MAN1C1: variants seen among roughly 807,000 people sequenced by gnomAD.
The protein encoded by MAN1C1 is mannosyl-oligosaccharide 1,2-alpha-mannosidase IC.
In MAN1C1, 49 loss-of-function variants were observed where a neutral mutation model predicts 71.5. The ratio of observed to expected loss-of-function variants is 0.69; its 90% CI spans 0.54 to 0.87. The LOEUF (loss-of-function observed/expected upper bound fraction) is 0.87. Among genes scored for constraint, MAN1C1 ranks in the 40% least tolerant of loss-of-function variants. MAN1C1 has a pLI of 0.00. For synonymous variants in MAN1C1, 352 were observed against 343.7 expected, an observed-to-expected ratio of 1.02 and a Z score of -0.27; for missense variants, 743 against 835.0, an observed-to-expected ratio of 0.89 and a Z score of 1.36.
chr1:25,636,204 G>C (rs779886122), intron 1 of MAN1C1, among the ~76,000 whole-genome samples: 2 of 152,196 alleles, frequency 1.3e-5, no homozygotes, highest in Admixed American at 6.5e-5. Context: ...GTATTGTCTT[G>C]ATAAACATCT....
rs988224184 is a variant in MAN1C1 at position 25,758,322 on chromosome 1, C to G, written c.930-270C>G. ...ACTCTTGTACCAGGTCTCGAGCTCC[C>G]AAGTCTTACAGGGGTTGCTTGATGA... On this transcript the variant is annotated intron_variant, in intron 5 of 11. Coordinates refer to ENST00000374332, the MANE Select transcript of MAN1C1 (RefSeq NM_020379.4). Among the ~76,000 whole-genome samples, 19 of 152,300 alleles carry G rather than the reference C, an allele frequency of 1.2e-4. No homozygotes were observed. The South Asian group carries it at 1.4e-3, about 12-fold the overall frequency.
chr1:25,683,449 C>T (rs974560362), intron 1 of MAN1C1, among the ~76,000 whole-genome samples: 2 of 152,192 alleles, frequency 1.3e-5, no homozygotes, highest in African/African-American at 4.8e-5. Context: ...CTTCTTTGTG[C>T]CAGTCCTTGG....
chr1:25,757,510 G>T (rs1333696938), intron 5 of MAN1C1, among the ~76,000 whole-genome samples: 3 of 133,032 alleles, frequency 2.3e-5, no homozygotes, highest in Non-Finnish European at 3.3e-5. Context: ...CGGGGGGGGG[G>T]GGCAGCTTGC....
chr1:25,647,783 G>A (rs953076122), intron 1 of MAN1C1, among the ~76,000 whole-genome samples: 1 of 152,200 alleles, frequency 6.6e-6, no homozygotes, highest in Admixed American at 6.5e-5. Context: ...GGGATGAGGG[G>A]TACAGACAGA....
In MAN1C1 at chr1:25,779,283, C is replaced by T. The variant is rs1465585475; in HGVS notation, c.1477+959C>T. Among the ~76,000 whole-genome samples the T allele has an allele frequency of 1.3e-5, 2 of 151,650 alleles. No homozygotes were observed. The highest frequency in any genetic ancestry group is 2.0e-4 in the East Asian group (1 of 5,102). On this transcript the variant is annotated intron_variant, in intron 9 of 11. Transcript: ENST00000374332. The surrounding 1 kb of genome is among the most constrained non-coding windows in gnomAD (Gnocchi z 4.6). ...GGCAGCCTCTGTTTTCTTATCTGTT[C>T]GATGGGAATCATGACACAGGTCTCA...
intron 2 of MAN1C1, among the ~76,000 whole-genome samples, chr1:25,695,315 C>T (rs937707844): frequency 6.6e-6 from 1 of 152,102 alleles, no homozygotes; most frequent in Non-Finnish European, 1.5e-5. Flanking sequence ...GCTTTGAGAG[C>T]CCTGAAAGCG....
At chr1:25,760,535 A>G (rs537286063) in intron 6 of MAN1C1, 1 of 152,330 alleles carries the variant, frequency 6.6e-6, no homozygotes, top group East Asian at 1.9e-4. Flanking sequence ...CGCACCCTCC[A>G]GGGGAGCTAA....
chr1:25,697,741 C>T (rs755137993), intron 2 of MAN1C1, among the ~76,000 whole-genome samples: 1 of 151,312 alleles, frequency 6.6e-6, no homozygotes, highest in East Asian at 2.0e-4. Context: ...TGTTGGAATA[C>T]ACCTAGGATT....
Position 25,782,635 on chromosome 1 carries a change from C to A in MAN1C1, c.1701C>A (p.Asp567Glu). ...AAGCCGGTTTCTCTGGGATCCAAGA[C>A]GTGTACAGTAGCACCCCCAACCACG... is the stretch of plus-strand genomic sequence containing the variant. The part of the protein sequence containing the change: ...RTEAGFSGIQ[D>E]VYSSTPNHDN... The change falls in exon 11 of 12, where the codon GAC becomes GAA. Residue 567 changes from aspartate to glutamate, a missense_variant. Transcript: ENST00000374332. The surrounding 1 kb of genome is among the most constrained non-coding windows in gnomAD (Gnocchi z 4.4). 2 of 1,614,062 alleles carry A rather than the reference C, an allele frequency of 1.2e-6. No homozygotes were observed. Among genetic ancestry groups the A allele is most frequent in the Non-Finnish European group, 8.5e-7 (1 of 1,179,988 alleles).
At chr1:25,623,897 A>G (rs2045254569) in intron 1 of MAN1C1, among the ~76,000 whole-genome samples, 2 of 152,200 alleles carry the variant, frequency 1.3e-5, no homozygotes, top group Non-Finnish European at 1.5e-5. Context: ...TCATGGATTT[A>G]TGATTACATT....
In MAN1C1 at chr1:25,617,623, C is replaced by G; in HGVS notation, c.-175C>G. 2 of 555,220 alleles carry G rather than the reference C, an allele frequency of 3.6e-6. No individual in the cohort carries two copies. Among genetic ancestry groups the G allele is most frequent in the Non-Finnish European group, 6.1e-6 (2 of 329,176 alleles). The allele number at this position is 555,220 out of a possible 1,614,324, so 34.4% of individuals were successfully genotyped here. ...CCCCGCCTCCTCGCGGGAGGACTCG[C>G]TCCAAACTCCCTGAACTTCGGGGAC... On this transcript the variant is annotated 5_prime_UTR_variant, in exon 1 of 12. Transcript: ENST00000374332. The surrounding 1 kb of genome is among the most constrained non-coding windows in gnomAD (Gnocchi z 5.1).
At chr1:25,757,698 A>G (rs1404548817) in intron 5 of MAN1C1, among the ~76,000 whole-genome samples, 1 of 152,140 alleles carries the variant, frequency 6.6e-6, no homozygotes, top group Non-Finnish European at 1.5e-5. Context: ...GCGACACTTG[A>G]ACCTGCACCT....
intron 1 of MAN1C1, among the ~76,000 whole-genome samples, chr1:25,655,684 AATT>A (rs1228413473): frequency 6.6e-6 from 1 of 151,902 alleles, no homozygotes; most frequent in African/African-American, 2.4e-5. Context: ...ATCGGCCTCT[AATT>A]AGGGGTACTG....
intron 1 of MAN1C1, among the ~76,000 whole-genome samples, chr1:25,666,081 AG>A (rs2045920267): frequency 6.6e-6 from 1 of 151,446 alleles, no homozygotes; most frequent in African/African-American, 2.5e-5. Flanking sequence ...CCTAGTTGGA[AG>A]AAAAAAAAAC....
chr1:25,749,152 G>A (rs571525238), intron 3 of MAN1C1, 103 bp from the exon 4 acceptor site: 189 of 863,494 alleles, frequency 2.2e-4, no homozygotes, highest in African/African-American at 1.4e-4. Flanking sequence ...TACCAGAGCC[G>A]GGGACAGGTA....
intron 1 of MAN1C1, among the ~76,000 whole-genome samples, chr1:25,656,951 G>C (rs1305674478): frequency 6.6e-6 from 1 of 151,358 alleles, no homozygotes; most frequent in Non-Finnish European, 1.5e-5. Flanking sequence ...TCAGCCTCCC[G>C]AGTAGCTGGG....
chr1:25,768,759 C>T (rs1055945263), intron 7 of MAN1C1, among the ~76,000 whole-genome samples: 1 of 144,032 alleles, frequency 6.9e-6, no homozygotes, highest in African/African-American at 2.6e-5. Context: ...AGTCCCCTCA[C>T]ATACATCCAC....
At chr1:25,733,726 C>T (rs890275580) in intron 2 of MAN1C1, among the ~76,000 whole-genome samples, 3 of 152,180 alleles carry the variant, frequency 2.0e-5, no homozygotes, top group African/African-American at 7.2e-5. Flanking sequence ...GACTTAATTC[C>T]TCTAAGCCTC....
At chr1:25,722,414 T>C (rs753587678) in intron 2 of MAN1C1, among the ~76,000 whole-genome samples, 2 of 152,256 alleles carry the variant, frequency 1.3e-5, no homozygotes, top group Non-Finnish European at 2.9e-5. Context: ...GTTAGATCCC[T>C]GAGCTGGTCC....
Sources: allele counts gnomAD v4.1 joint callset (sites outside exome capture counted in the v4.1 genomes callset), GRCh38; gene constraint gnomAD v4.1.1; non-coding constraint Gnocchi (gnomAD v3.1); transcripts MANE v1.5; gene names NCBI Gene and HGNC (gene_info 2026-07-23, HGNC 2026-07-21).